Variants in DOCK8 observed in about 807,000 individuals in gnomAD.
DOCK8 encodes the protein dedicator of cytokinesis protein 8.
A neutral mutation model predicts 245.6 loss-of-function variants in DOCK8; 141 were observed. The ratio of observed to expected loss-of-function variants is 0.57; its 90% CI spans 0.50 to 0.66. The LOEUF is 0.66. DOCK8 is among the 30% of genes least tolerant of loss of function. The probability of loss-of-function intolerance (pLI) is 0.00; values close to 1 mark genes in which losing one functional copy is unlikely to be tolerated. For missense variants in DOCK8, 2,965 were observed against 2,603.4 expected (o/e 1.14, Z -3.02); for synonymous variants, 1,168 against 970.2 (o/e 1.20, Z -3.79).
At chr9:307,254 A>G (rs145245641) in intron 5 of DOCK8, among the ~76,000 whole-genome samples, 2,185 of 151,676 alleles carry the variant, frequency 0.014, 62 homozygotes, top group African/African-American at 0.051. Flanking sequence ...CAATAGGTGA[A>G]GACCAGCGTA....
At chr9:396,963 A>G (rs377417648) in intron 25 of DOCK8, 29 bp downstream of exon 25, 60 of 1,606,352 alleles carry the variant, frequency 3.7e-5, no homozygotes, top group Middle Eastern at 3.3e-4. Context: ...TTATTTTCTA[A>G]ATTGTTTACC....
chr9:352,925 A>G (rs947466513), intron 14 of DOCK8, among the ~76,000 whole-genome samples: 1 of 152,098 alleles, frequency 6.6e-6, no homozygotes, highest in African/African-American at 2.4e-5. Context: ...TCAGGGACAA[A>G]GGGAGCAGGA....
intron 7 of DOCK8, 51 bp downstream of exon 7, chr9:317,179 T>C: frequency 1.5e-6 from 2 of 1,377,492 alleles, no homozygotes. Flanking sequence ...TCTTGCCTTT[T>C]ACATACAAAT....
intron 33 of DOCK8, among the ~76,000 whole-genome samples, chr9:422,711 T>G (rs1329468198): frequency 1.3e-5 from 2 of 152,158 alleles, no homozygotes; most frequent in African/African-American, 4.8e-5. Context: ...TTTCTAGTAG[T>G]GTGTGGCTCA....
chr9:249,054 C>G (rs958884601), intron 1 of DOCK8, among the ~76,000 whole-genome samples: 1 of 152,172 alleles, frequency 6.6e-6, no homozygotes, highest in African/African-American at 2.4e-5. Context: ...CCTATCTTCT[C>G]CTTCCGCTCT....
In DOCK8 at chr9:403,858, A is replaced by ATCTCTCTGTCTCTC. The variant is rs1554693888; in HGVS notation, c.3235-1053_3235-1052insGTCTCTCTCTCTCT. ...CCAGTTCAACAGAGCAAGACTCTGT[A>ATCTCTCTGTCTCTC]TCTCTCTCTCTCTCTCTCTCTCTCT... On this transcript the variant is annotated intron_variant, in intron 26 of 47. Coordinates refer to ENST00000432829, the MANE Select transcript of DOCK8 (RefSeq NM_203447.4). 1.6e-3 allele frequency among the ~76,000 whole-genome samples: 134 copies of ATCTCTCTGTCTCTC among 83,932 alleles called. 8 individuals are homozygous for ATCTCTCTGTCTCTC. Among genetic ancestry groups the ATCTCTCTGTCTCTC allele is most frequent in the South Asian group, 5.6e-3 (12 of 2,136 alleles). 55.1% of individuals were successfully genotyped at this position (83,932 alleles called of 152,430 possible).
intron 4 of DOCK8, among the ~76,000 whole-genome samples, chr9:302,353 A>T (rs1308807405): frequency 1.3e-5 from 2 of 152,228 alleles, no homozygotes; most frequent in Non-Finnish European, 2.9e-5. Flanking sequence ...TTAACTCAAG[A>T]TGGATTAAGG....
intron 45 of DOCK8, among the ~76,000 whole-genome samples, chr9:451,692 C>T (rs933358138): frequency 3.3e-5 from 5 of 151,930 alleles, no homozygotes; most frequent in African/African-American, 1.2e-4. Context: ...TCTAAAACTT[C>T]AGATTCCTCC....
At chr9:332,303 A>C (rs1282184293) in intron 9 of DOCK8, 95 bp from the exon 10 acceptor site, 2 of 861,994 alleles carry the variant, frequency 2.3e-6, no homozygotes, top group Non-Finnish European at 3.8e-6. Flanking sequence ...CTATGTCATC[A>C]AATATTGTCA....
chr9:233,164 C>T (rs1288778467), intron 1 of DOCK8, among the ~76,000 whole-genome samples: 1 of 152,166 alleles, frequency 6.6e-6, no homozygotes, highest in Admixed American at 6.5e-5. Context: ...ACCCAGTAGT[C>T]ATTCAGGAGC....
chr9:372,121 GATAA>G, intron 17 of DOCK8, 60 bp from the exon 18 acceptor site: 1 of 1,420,332 alleles, frequency 7.0e-7, no homozygotes, highest in Non-Finnish European at 9.9e-7. Flanking sequence ...TTGCGAGCTA[GATAA>G]ATTATCAGAA....
chr9:353,512 A>G (rs1213354604), intron 14 of DOCK8, among the ~76,000 whole-genome samples: 1 of 152,218 alleles, frequency 6.6e-6, no homozygotes, highest in African/African-American at 2.4e-5. Flanking sequence ...CACCAGCAGA[A>G]ATTGGAAGCG....
At chr9:284,181 C>T (rs1391839506) in intron 2 of DOCK8, among the ~76,000 whole-genome samples, 1 of 152,086 alleles carries the variant, frequency 6.6e-6, no homozygotes, top group Non-Finnish European at 1.5e-5. Flanking sequence ...TCCTCTTTAT[C>T]CTGTGGGGTT....
intron 1 of DOCK8, among the ~76,000 whole-genome samples, chr9:219,907 G>A (rs1196305246): frequency 6.6e-6 from 1 of 152,094 alleles, no homozygotes; most frequent in Non-Finnish European, 1.5e-5. Flanking sequence ...AAAAAAAAAG[G>A]AACAAACCCA....
At chr9:372,661 G>T (rs1194468300) in intron 18 of DOCK8, among the ~76,000 whole-genome samples, 1 of 152,162 alleles carries the variant, frequency 6.6e-6, no homozygotes, top group South Asian at 2.1e-4. Context: ...TCTTGGGTCA[G>T]TTGTCACAGC....
chr9:242,124 G>A (rs2047387679), intron 1 of DOCK8, among the ~76,000 whole-genome samples: 1 of 152,014 alleles, frequency 6.6e-6, no homozygotes, highest in South Asian at 2.1e-4. Context: ...CATCTCTCTG[G>A]GCCTCAGTTT....
At chr9:389,848 C>G (rs914198261) in intron 23 of DOCK8, among the ~76,000 whole-genome samples, 3 of 150,234 alleles carry the variant, frequency 2.0e-5, no homozygotes, top group African/African-American at 7.5e-5. Flanking sequence ...AACCCCATCT[C>G]TACCAAAAAA....
At chr9:412,462 G>T (rs575303645) in intron 28 of DOCK8, among the ~76,000 whole-genome samples, 1 of 146,970 alleles carries the variant, frequency 6.8e-6, no homozygotes, top group African/African-American at 2.5e-5. Context: ...AATTGGAAAA[G>T]AAGTAAAACT....
At position 400,160 on chromosome 9, in the gene DOCK8, C is replaced by T. The variant is rs1330822002; in HGVS notation, c.3234+901C>T. ...ACCACCACCTCCACCATCACCACCA[C>T]CACCACCTCCACCATCACCACCTCC... On this transcript the variant is annotated intron_variant, in intron 26 of 47. Transcript: ENST00000432829. Among the ~76,000 whole-genome samples the T allele has an allele frequency of 7.6e-4, 85 of 111,412 alleles. 3 individuals are homozygous for T. Among genetic ancestry groups the T allele is most frequent in the Non-Finnish European group, 1.2e-3 (64 of 52,584 alleles). 73.1% of individuals were successfully genotyped at this position (111,412 alleles called of 152,430 possible).
Sources: gnomAD v4.1 joint callset for allele counts (sites outside exome capture counted in the v4.1 genomes callset) on GRCh38, gnomAD v4.1.1 for gene constraint, MANE v1.5 for transcripts, NCBI Gene and HGNC (gene_info 2026-07-23, HGNC 2026-07-21) for gene names.